BRF1: variants seen among roughly 807,000 people sequenced by gnomAD.
BRF1 encodes BRF1 general transcription factor IIIB subunit.
A neutral mutation model predicts 81.7 loss-of-function variants in BRF1; 59 were observed. That is an observed-to-expected ratio of 0.72 (90% CI 0.59 to 0.90). BRF1 has a LOEUF of 0.90. Among genes scored for constraint, BRF1 ranks in the 40% least tolerant of loss-of-function variants. The pLI is 0.00. For synonymous variants in BRF1, 491 were observed against 395.6 expected, an observed-to-expected ratio of 1.24 and a Z score of -2.86; for missense variants, 1,050 against 936.3, an observed-to-expected ratio of 1.12 and a Z score of -1.58.
intron 1 of BRF1, chr14:105,314,724 C>CGGGCGGGGCGCCGGGCG (rs1555395406): frequency 7.1e-6 from 1 of 141,680 alleles, no homozygotes. Flanking sequence ...GGCGGGGCGC[C>CGGGCGGGGCGCCGGGCG]GGGCGGGGCG....
At chr14:105,212,407 A>C in intron 15 of BRF1, 2 of 492,578 alleles carry the variant, frequency 4.1e-6, no homozygotes, top group Non-Finnish European at 3.6e-6. Flanking sequence ...GAAGCTGCAG[A>C]CGCCCCGCTC....
At chr14:105,244,270 C>T (rs907612360) in intron 5 of BRF1, among the ~76,000 whole-genome samples, 3 of 151,688 alleles carry the variant, frequency 2.0e-5, no homozygotes, top group African/African-American at 7.3e-5. Flanking sequence ...TAGTGAGACC[C>T]CCATCTTTAC....
chr14:105,252,356 T>C, intron 5 of BRF1, 151 bp downstream of exon 5: 2 of 1,412,406 alleles, frequency 1.4e-6, no homozygotes, highest in South Asian at 3.1e-5. Flanking sequence ...AGGCCCCACA[T>C]TACTGAGCTC....
chr14:105,244,571 A>C (rs1595363483), intron 5 of BRF1, among the ~76,000 whole-genome samples: 1 of 152,116 alleles, frequency 6.6e-6, no homozygotes, highest in African/African-American at 2.4e-5. Context: ...GCGGCACGGG[A>C]CAGGCATGGC....
In BRF1 at chr14:105,209,449, C is replaced by T; in HGVS notation, c.*1102G>A. The stretch of plus-strand genomic sequence containing the variant: ...TTGGGGCAGGACATACAGCCCATTC[C>T]ATGGGGAGGATGAGGCCCCTGGGGG... On this transcript the variant is annotated 3_prime_UTR_variant, in exon 18 of 18. Coordinates refer to ENST00000547530, the MANE Select transcript of BRF1 (RefSeq NM_001519.4). 2.9e-6 allele frequency: 2 copies of T among 696,846 alleles called. No homozygotes were observed. The highest frequency in any genetic ancestry group is 5.2e-6 in the Non-Finnish European group (2 of 382,682). The allele number at this position is 696,846 out of a possible 1,614,324, so 43.2% of individuals were successfully genotyped here. A position where few individuals can be genotyped will look rare whatever the true frequency, so the allele number is the denominator to read the frequency against.
intron 5 of BRF1, among the ~76,000 whole-genome samples, chr14:105,245,780 G>C (rs911224550): frequency 6.6e-6 from 1 of 151,028 alleles, no homozygotes; most frequent in Non-Finnish European, 1.5e-5. Flanking sequence ...ACTCAAAACC[G>C]ATGCAAGACC....
intron 15 of BRF1, among the ~76,000 whole-genome samples, chr14:105,215,485 C>T (rs191651569): frequency 0.016 from 2,416 of 152,046 alleles, 75 homozygotes; most frequent in African/African-American, 0.056. Flanking sequence ...CACACACACA[C>T]GTACTGAGTG....
intron 2 of BRF1, among the ~76,000 whole-genome samples, chr14:105,274,164 C>A (rs1032925470): frequency 2.6e-5 from 4 of 152,212 alleles, no homozygotes; most frequent in African/African-American, 9.7e-5. Flanking sequence ...CACATCCAGG[C>A]ATAGTACCTT....
chr14:105,209,444 C>A lies in BRF1; in HGVS notation c.*1107G>T, dbSNP rs1889830844. 1.4e-6 allele frequency: 1 copy of A among 696,478 alleles called. No individual in the cohort carries two copies. 43.1% of individuals were successfully genotyped at this position (696,478 alleles called of 1,614,324 possible). On this transcript the variant is annotated 3_prime_UTR_variant, in exon 18 of 18. Transcript: ENST00000547530. ...CCAAGTTGGGGCAGGACATACAGCC[C>A]ATTCCATGGGGAGGATGAGGCCCCT...
intron 5 of BRF1, 34 bp from the exon 6 acceptor site, chr14:105,241,448 C>T (rs1010412629): frequency 1.9e-6 from 3 of 1,606,524 alleles, no homozygotes; most frequent in Admixed American, 1.7e-5. Flanking sequence ...TGCCCACCTC[C>T]ATGTGCCATG....
At chr14:105,248,016 C>T (rs1399029058) in intron 5 of BRF1, 3 of 985,400 alleles carry the variant, frequency 3.0e-6, no homozygotes, top group African/African-American at 1.7e-5. Context: ...GCTGCAGGCC[C>T]AGGGCCAGAT....
rs928875653 is a variant in BRF1 at position 105,309,776 on chromosome 14, C to CTTTT, written c.-162+5542_-162+5545dup. Among the ~76,000 whole-genome samples, 3 of 89,212 alleles carry CTTTT rather than the reference C, an allele frequency of 3.4e-5. No homozygotes were observed. The highest frequency in any genetic ancestry group is 5.2e-5 in the African/African-American group (1 of 19,302). The allele number at this position is 89,212 out of a possible 152,430, so 58.5% of individuals were successfully genotyped here. A position where few individuals can be genotyped will look rare whatever the true frequency, so the allele number is the denominator to read the frequency against. On this transcript the variant is annotated intron_variant, in intron 1 of 17. Coordinates refer to the BRF1 transcript ENST00000327359. The surrounding 1 kb of genome is among the most constrained non-coding windows in gnomAD (Gnocchi z 4.0). ...TTAAGGAGAAGGTGGTGATGTGTGTCTTTTTTTTTTTTTTTTTTTTTTTTT... is the reference window on the plus strand; with the variant it reads ...TTAAGGAGAAGGTGGTGATGTGTGTCTTTTTTTTTTTTTTTTTTTTTTTTTTTTT...
At chr14:105,229,708 G>C (rs587766397) in intron 6 of BRF1, among the ~76,000 whole-genome samples, 10 of 124,844 alleles carry the variant, frequency 8.0e-5, no homozygotes, top group African/African-American at 1.2e-4. Flanking sequence ...AGGAGAGAGA[G>C]GCCACACCAC....
intron 15 of BRF1, 61 bp downstream of exon 15, chr14:105,217,483 C>T: frequency 6.3e-7 from 1 of 1,582,242 alleles, no homozygotes; most frequent in Non-Finnish European, 8.6e-7. Flanking sequence ...GACCCGAAGC[C>T]ATGGGCCTCT....
At chr14:105,214,466 A>ACACCCCTGCGTGGCC (rs1282916665) in intron 15 of BRF1, among the ~76,000 whole-genome samples, 13 of 66,300 alleles carry the variant, frequency 2.0e-4, no homozygotes, top group Middle Eastern at 7.2e-3. Flanking sequence ...TCAGCTGCCC[A>ACACCCCTGCGTGGCC]CACCCCTGCG....
Position 105,210,543 on chromosome 14 carries a change from G to A in BRF1, c.*8C>T, listed in dbSNP as rs1383629838. On this transcript the variant is annotated 3_prime_UTR_variant, in exon 18 of 18. Transcript: ENST00000547530. This position sits in a 1 kb window ranked among gnomAD's most constrained non-coding sequence, Gnocchi z 4.7. ...CTGCCAGGACATCACCTGCCTGGAG[G>A]CCACACTTCAGTAGCCGTCGTCCTC... 2 of 1,610,782 alleles carry A rather than the reference G, an allele frequency of 1.2e-6. No individual in the cohort carries two copies. The highest frequency in any genetic ancestry group is 2.2e-5 in the East Asian group (1 of 44,864).
Position 105,269,508 on chromosome 14 carries a change from T to C in BRF1, c.439+3213A>G, listed in dbSNP as rs1173251398. Among the ~76,000 whole-genome samples the C allele has an allele frequency of 1.3e-5, 2 of 152,126 alleles. No individual in the cohort carries two copies. The highest frequency in any genetic ancestry group is 2.9e-5 in the Non-Finnish European group (2 of 68,010). Reference sequence around the variant, plus strand: ...CCACCACCAGGATCTAATTTTAGAATGCGTGGGGGACACGGGGTGGCTTCC... The same window carrying C: ...CCACCACCAGGATCTAATTTTAGAACGCGTGGGGGACACGGGGTGGCTTCC... On this transcript the variant is annotated intron_variant, in intron 3 of 17. Transcript: ENST00000547530. The surrounding 1 kb of genome is among the most constrained non-coding windows in gnomAD (Gnocchi z 5.0).
chr14:105,257,002 G>A (rs2055911353), intron 3 of BRF1, among the ~76,000 whole-genome samples: 1 of 152,184 alleles, frequency 6.6e-6, no homozygotes, highest in Admixed American at 6.5e-5. Flanking sequence ...TCAGGCGTCA[G>A]GCAGGCAGTC....
chr14:105,223,821 A>C (rs996068815), intron 10 of BRF1, among the ~76,000 whole-genome samples: 5 of 152,334 alleles, frequency 3.3e-5, no homozygotes, highest in South Asian at 2.1e-4. Flanking sequence ...GCTGTTAAAA[A>C]TCACCCAATG....
Sources: allele counts gnomAD v4.1 joint callset (sites outside exome capture counted in the v4.1 genomes callset), GRCh38; gene constraint gnomAD v4.1.1; non-coding constraint Gnocchi (gnomAD v3.1); transcripts MANE v1.5; gene names NCBI Gene and HGNC (gene_info 2026-07-23, HGNC 2026-07-21).